Variants in PHACTR1 observed in about 807,000 individuals in gnomAD.
PHACTR1 encodes the protein RPEL repeat containing 1.
PHACTR1 carries 16 observed loss-of-function variants against 69.2 expected under a neutral mutation model. The ratio of observed to expected loss-of-function variants is 0.23; its 90% CI spans 0.16 to 0.35. The LOEUF (loss-of-function observed/expected upper bound fraction) is 0.35. Among genes scored for constraint, PHACTR1 ranks in the 10% least tolerant of loss-of-function variants. PHACTR1 has a pLI of 1.00. For synonymous variants in PHACTR1, 312 were observed against 284.5 expected (o/e 1.10, Z -0.97); for missense variants, 510 against 734.7 (o/e 0.69, Z 3.54).
At chr6:12,947,332 A>G (rs768144410) in intron 4 of PHACTR1, among the ~76,000 whole-genome samples, 3 of 138,622 alleles carry the variant, frequency 2.2e-5, no homozygotes, top group Non-Finnish European at 4.6e-5. Flanking sequence ...AAGAAACATA[A>G]CTATTCTGCT....
chr6:12,891,771 T>TTGTACTATG (rs67960114), intron 4 of PHACTR1, among the ~76,000 whole-genome samples: 37,833 of 151,862 alleles, frequency 0.25, 4,974 homozygotes, highest in Middle Eastern at 0.37. Context: ...ACTAACAGCC[T>TTGTACTATG]TACAAGGTTT....
chr6:12,897,930 G>A (rs1831705), intron 4 of PHACTR1, among the ~76,000 whole-genome samples: 6,382 of 152,020 alleles, frequency 0.042, 234 homozygotes, highest in Admixed American at 0.093. Flanking sequence ...TGTTCTCATT[G>A]TTCAACTCCC....
chr6:13,083,873 C>A (rs1811823633), intron 5 of PHACTR1, among the ~76,000 whole-genome samples: 1 of 151,180 alleles, frequency 6.6e-6, no homozygotes, highest in East Asian at 2.0e-4. Context: ...TCTAAATATA[C>A]AATCATGTCA....
At chr6:13,234,940 G>A (rs1012464363) in intron 10 of PHACTR1, among the ~76,000 whole-genome samples, 2 of 152,182 alleles carry the variant, frequency 1.3e-5, no homozygotes, top group Non-Finnish European at 2.9e-5. Context: ...GGCAAAAATT[G>A]TAGAGCTTCT....
At chr6:12,747,067 C>T (rs895736418) in intron 3 of PHACTR1, among the ~76,000 whole-genome samples, 8 of 152,140 alleles carry the variant, frequency 5.3e-5, no homozygotes, top group Admixed American at 6.5e-5. Context: ...TATAGGACTC[C>T]GCTGCGCCTC....
At chr6:13,055,814 A>T (rs1037351996) in intron 5 of PHACTR1, among the ~76,000 whole-genome samples, 2 of 152,252 alleles carry the variant, frequency 1.3e-5, no homozygotes, top group African/African-American at 4.8e-5. Context: ...TTACTCATGA[A>T]TTATTAAACG....
intron 10 of PHACTR1, chr6:13,267,604 C>T (rs913022845): frequency 6.6e-6 from 1 of 152,128 alleles, no homozygotes; most frequent in African/African-American, 2.4e-5. Flanking sequence ...TATTTTATTA[C>T]ATGCCAGTCC....
chr6:12,777,076 AT>A (rs548142771), intron 4 of PHACTR1, among the ~76,000 whole-genome samples: 3 of 152,290 alleles, frequency 2.0e-5, no homozygotes, highest in African/African-American at 7.2e-5. Context: ...CATAGCATCT[AT>A]GTTTAATATA....
chr6:13,217,540 A>G (rs1450826711), intron 8 of PHACTR1, among the ~76,000 whole-genome samples: 2 of 152,218 alleles, frequency 1.3e-5, no homozygotes, highest in Admixed American at 6.5e-5. Context: ...ATCCCAGATA[A>G]TATTTCAGAA....
At chr6:13,008,971 C>A (rs757834482) in intron 4 of PHACTR1, among the ~76,000 whole-genome samples, 109 of 152,254 alleles carry the variant, frequency 7.2e-4, no homozygotes, top group Non-Finnish European at 1.0e-3. Flanking sequence ...TCAAGGTGGG[C>A]CAAGATCCCT....
intron 5 of PHACTR1, among the ~76,000 whole-genome samples, chr6:13,155,459 G>T (rs1193458232): frequency 6.6e-6 from 1 of 152,126 alleles, no homozygotes; most frequent in Non-Finnish European, 1.5e-5. Flanking sequence ...CAGACATGGG[G>T]GGTAAGTGTG....
chr6:12,951,459 AG>A (rs1562046274), intron 4 of PHACTR1, among the ~76,000 whole-genome samples: 1 of 152,224 alleles, frequency 6.6e-6, no homozygotes, highest in Non-Finnish European at 1.5e-5. Flanking sequence ...ATAAAAGAAA[AG>A]GGGGGAGTTA....
In PHACTR1 at chr6:13,149,013, G is replaced by A. The variant is rs78179455; in HGVS notation, c.416-11191G>A. ...CCAGGTCATCATGTCTTCCTAACTT[G>A]ATATTGCTGGACTTAGGGTTTTCGG... On this transcript the variant is annotated intron_variant, in intron 5 of 14. Transcript: ENST00000332995. Among the ~76,000 whole-genome samples the A allele has an allele frequency of 1.1e-3, 160 of 152,230 alleles. 3 individuals are homozygous for A. In the East Asian group the frequency reaches 0.026, roughly 24 times the overall value.
intron 5 of PHACTR1, among the ~76,000 whole-genome samples, chr6:13,144,080 T>C (rs1822911596): frequency 6.6e-6 from 1 of 152,152 alleles, no homozygotes; most frequent in Non-Finnish European, 1.5e-5. Context: ...TTACAAAAAC[T>C]AAGAAGAAAA....
At chr6:12,997,227 A>G (rs1582885577) in intron 4 of PHACTR1, among the ~76,000 whole-genome samples, 2 of 148,306 alleles carry the variant, frequency 1.3e-5, no homozygotes, top group East Asian at 3.9e-4. Context: ...ATGATTTATT[A>G]CATAATAAAT....
intron 4 of PHACTR1, among the ~76,000 whole-genome samples, chr6:12,868,284 G>T (rs1781671770): frequency 6.8e-6 from 1 of 146,668 alleles, no homozygotes; most frequent in African/African-American, 2.5e-5. Context: ...AAAAAGTTCA[G>T]GTGCTGACCA....
intron 3 of PHACTR1, among the ~76,000 whole-genome samples, chr6:12,737,880 T>G (rs1764511165): frequency 6.6e-6 from 1 of 152,198 alleles, no homozygotes; most frequent in African/African-American, 2.4e-5. Flanking sequence ...TCACCATGCC[T>G]GGCCCATTTC....
intron 5 of PHACTR1, among the ~76,000 whole-genome samples, chr6:13,072,549 C>G (rs926751497): frequency 1.3e-5 from 2 of 152,098 alleles, no homozygotes; most frequent in East Asian, 1.9e-4. Flanking sequence ...TTACCTCTCT[C>G]TTTTTTGTTT....
At chr6:13,029,691 T>TGTAAAGGGTCAGATA (rs930741806) in intron 4 of PHACTR1, among the ~76,000 whole-genome samples, 1 of 152,218 alleles carries the variant, frequency 6.6e-6, no homozygotes, top group Non-Finnish European at 1.5e-5. Flanking sequence ...AAACTTTGTC[T>TGTAAAGGGTCAGATA]GTAAAGGGTC....
Sources: allele counts gnomAD v4.1 joint callset (sites outside exome capture counted in the v4.1 genomes callset), GRCh38; gene constraint gnomAD v4.1.1; transcripts MANE v1.5; gene names NCBI Gene and HGNC (gene_info 2026-07-23, HGNC 2026-07-21).